The following UNC13C variants were observed in gnomAD, a reference collection of about 807,000 sequenced individuals.
The protein encoded by UNC13C is unc-13 homolog C.
A neutral mutation model predicts 245.4 loss-of-function variants in UNC13C; 174 were observed. That is an observed-to-expected ratio of 0.71 (90% CI 0.63 to 0.80). UNC13C has a LOEUF of 0.80. Among genes scored for constraint, UNC13C ranks in the 30% least tolerant of loss-of-function variants. The probability of loss-of-function intolerance (pLI) is 0.00; values close to 1 mark genes in which losing one functional copy is unlikely to be tolerated. For missense variants in UNC13C, 2,829 were observed against 2,602.9 expected (o/e 1.09, Z -1.89); for synonymous variants, 992 against 895.1 (o/e 1.11, Z -1.93).
intron 4 of UNC13C, among the ~76,000 whole-genome samples, chr15:54,145,355 A>G (rs1407760256): frequency 6.6e-6 from 1 of 152,124 alleles, no homozygotes; most frequent in African/African-American, 2.4e-5. Flanking sequence ...TAAAGCTCCT[A>G]CAAATTAATA....
intron 13 of UNC13C, among the ~76,000 whole-genome samples, chr15:54,315,417 C>G (rs578258408): frequency 6.6e-6 from 1 of 151,486 alleles, no homozygotes; most frequent in Admixed American, 6.6e-5. Flanking sequence ...ATCCTTTTAT[C>G]AAGATTATCC....
rs536995615 is a variant in UNC13C at position 54,364,559 on chromosome 15, AACTG to A, written c.4713+26076_4713+26079del. Among the ~76,000 whole-genome samples, 19 of 152,278 alleles carry A rather than the reference AACTG, an allele frequency of 1.2e-4. No individual in the cohort carries two copies. The South Asian group carries it at 3.7e-3, about 30-fold the overall frequency. ...CTTTTGAGTGGCACCTTCTTTTGGAAACTGACTGAGCTGATGACAGTTTATACTT... is the reference window on the plus strand; with the variant it reads ...CTTTTGAGTGGCACCTTCTTTTGGAAACTGAGCTGATGACAGTTTATACTT... On this transcript the variant is annotated intron_variant, in intron 17 of 32. Transcript: ENST00000260323.
chr15:53,897,374 T>A, the UNC13C span, among the ~76,000 whole-genome samples: 1 of 152,236 alleles, frequency 6.6e-6, no homozygotes, highest in Non-Finnish European at 1.5e-5. Context: ...CTCATTATAC[T>A]ACTTGATGCT....
intron 8 of UNC13C, among the ~76,000 whole-genome samples, chr15:54,261,142 C>A (rs757897358): frequency 2.6e-5 from 4 of 152,134 alleles, no homozygotes; most frequent in Non-Finnish European, 4.4e-5. Context: ...TACATTATCT[C>A]TTTTGATCTC....
At chr15:54,038,118 A>AT (rs1297641805) in intron 2 of UNC13C, among the ~76,000 whole-genome samples, 1 of 28,796 alleles carries the variant, frequency 3.5e-5, no homozygotes, top group Non-Finnish European at 6.3e-5. Flanking sequence ...ATATATATAT[A>AT]TATATATTTT....
intron 2 of UNC13C, among the ~76,000 whole-genome samples, chr15:54,038,126 T>TATA (rs1566966494): frequency 7.5e-4 from 39 of 51,776 alleles, no homozygotes; most frequent in Middle Eastern, 0.011. Context: ...ATATATATAT[T>TATA]TTTTTTTTTT....
At chr15:54,040,058 C>T (rs946148159) in intron 2 of UNC13C, among the ~76,000 whole-genome samples, 2 of 152,032 alleles carry the variant, frequency 1.3e-5, no homozygotes, top group Non-Finnish European at 2.9e-5. Context: ...ACGCTCTTTC[C>T]TCATTACCTC....
chr15:54,482,084 C>T (rs1423691113), intron 19 of UNC13C, among the ~76,000 whole-genome samples: 1 of 152,114 alleles, frequency 6.6e-6, no homozygotes, highest in Non-Finnish European at 1.5e-5. Context: ...CTCATGGCAG[C>T]CTCTCTGGTG....
At chr15:53,856,803 C>T in the UNC13C span, among the ~76,000 whole-genome samples, 3,533 of 152,152 alleles carry the variant, frequency 0.023, 141 homozygotes, top group African/African-American at 0.081. Context: ...TCCACTTGAT[C>T]CAGAGCTGAG....
At chr15:54,018,467 A>G (rs1378825135) in intron 2 of UNC13C, among the ~76,000 whole-genome samples, 1 of 152,240 alleles carries the variant, frequency 6.6e-6, no homozygotes, top group Non-Finnish European at 1.5e-5. Flanking sequence ...ATGTTTATAG[A>G]TGTGGATATT....
intron 32 of UNC13C, among the ~76,000 whole-genome samples, chr15:54,624,239 C>T (rs904056295): frequency 6.6e-6 from 1 of 152,136 alleles, no homozygotes; most frequent in African/African-American, 2.4e-5. Flanking sequence ...AAATATTTGT[C>T]ATATGGCATT....
chr15:54,280,203 C>G (rs1480505452), intron 10 of UNC13C, among the ~76,000 whole-genome samples: 1 of 151,918 alleles, frequency 6.6e-6, no homozygotes, highest in Non-Finnish European at 1.5e-5. Flanking sequence ...ATGGAAACTA[C>G]TTAAATGTCT....
chr15:53,887,290 T>C, the UNC13C span, among the ~76,000 whole-genome samples: 1 of 152,160 alleles, frequency 6.6e-6, no homozygotes, highest in Non-Finnish European at 1.5e-5. Flanking sequence ...AAATGTCAGT[T>C]ATTGATATCC....
intron 24 of UNC13C, among the ~76,000 whole-genome samples, chr15:54,524,807 G>T (rs1274276364): frequency 6.6e-6 from 1 of 152,042 alleles, no homozygotes; most frequent in African/African-American, 2.4e-5. Flanking sequence ...GATCAGCTTG[G>T]GCAAGAACTA....
At chr15:54,630,853 T>C (rs551960360), downstream of UNC13C, 15 of 152,236 alleles carry the variant, frequency 9.9e-5, no homozygotes, top group South Asian at 2.9e-3. Flanking sequence ...GTGCTCATGT[T>C]TTTTCACATC....
the UNC13C span, among the ~76,000 whole-genome samples, chr15:53,929,627 A>G: frequency 6.6e-6 from 1 of 152,320 alleles, no homozygotes; most frequent in East Asian, 1.9e-4. Context: ...TGTACTTACT[A>G]CTTAACTATC....
intron 30 of UNC13C, among the ~76,000 whole-genome samples, chr15:54,573,732 T>C (rs1259873012): frequency 6.6e-6 from 1 of 152,218 alleles, no homozygotes. Context: ...TGTCACATCC[T>C]GGAGTGGTGG....
chr15:54,316,909 T>G lies in UNC13C; in HGVS notation c.4269-5030T>G, dbSNP rs565393995. 2.0e-5 allele frequency among the ~76,000 whole-genome samples: 3 copies of G among 151,972 alleles called. No homozygotes were observed. The South Asian group carries it at 6.2e-4, about 31-fold the overall frequency. ...TTCTGCTGTACAACAAAATTAGGAT[T>G]CGAGGTATGTGCTTCTCTTTTAAGA... On this transcript the variant is annotated intron_variant, in intron 13 of 32. Coordinates refer to ENST00000260323, the MANE Select transcript of UNC13C (RefSeq NM_001080534.3).
chr15:54,194,767 A>G (rs1429395578), intron 4 of UNC13C, among the ~76,000 whole-genome samples: 4 of 152,200 alleles, frequency 2.6e-5, no homozygotes, highest in African/African-American at 9.6e-5. Flanking sequence ...GATCAGCCAG[A>G]CAGACAGGTC....
Sources: allele counts gnomAD v4.1 joint callset (sites outside exome capture counted in the v4.1 genomes callset), GRCh38; gene constraint gnomAD v4.1.1; transcripts MANE v1.5; gene names NCBI Gene and HGNC (gene_info 2026-07-23, HGNC 2026-07-21).